Variants in TBCE observed in about 807,000 individuals in gnomAD.
The protein encoded by TBCE is tubulin folding cofactor E, also known as tubulin-specific chaperone E.
Under a neutral mutation model 77.0 loss-of-function variants are expected in TBCE, and 53 were observed. The ratio of observed to expected loss-of-function variants is 0.69; its 90% CI spans 0.55 to 0.87. The LOEUF (loss-of-function observed/expected upper bound fraction) is 0.87. Among genes scored for constraint, TBCE ranks in the 40% least tolerant of loss-of-function variants. The pLI is 0.00. For synonymous variants in TBCE, 235 were observed against 241.3 expected (o/e 0.97, Z 0.24); for missense variants, 624 against 622.4 (o/e 1.00, Z -0.03).
rs1430133147 is a variant in TBCE at position 235,451,760 on chromosome 1, C to T, written c.*2998C>T. On this transcript the variant is annotated 3_prime_UTR_variant, in exon 17 of 17. Coordinates refer to ENST00000642610, the MANE Select transcript of TBCE (RefSeq NM_003193.5). ...ACAGACACTGCATGTGCCTTCTGTC[C>T]CCTGCACCTTCGATGGCCAAAGTGG... The T allele has an allele frequency of 2.0e-5, 3 of 152,112 alleles. No homozygotes were observed. The highest frequency in any genetic ancestry group is 7.2e-5 in the African/African-American group (3 of 41,408). The allele number at this position is 152,112 out of a possible 1,614,324, so 9.4% of individuals were successfully genotyped here.
At chr1:235,392,303 C>T (rs964442656) in intron 2 of TBCE, among the ~76,000 whole-genome samples, 3 of 151,876 alleles carry the variant, frequency 2.0e-5, no homozygotes, top group Non-Finnish European at 4.4e-5. Flanking sequence ...TGCAGTGAAC[C>T]GTGATCGTGC....
chr1:235,401,530 A>G lies in TBCE; in HGVS notation c.128A>G (p.Asn43Ser), dbSNP rs753246233. 5.0e-5 allele frequency: 80 copies of G among 1,613,912 alleles called. 2 individuals carry two copies. In the South Asian group the frequency reaches 7.0e-4, roughly 14 times the overall value. The change falls in exon 3 of 17, where the codon AAT (asparagine) becomes AGT (serine). Residue 43 changes from asparagine (N) to serine (S), a missense_variant. Asn to Ser is a conservative substitution (Grantham distance 46). Transcript: ENST00000642610. The stretch of plus-strand genomic sequence containing the variant: ...CCCTGGTTAGGAGTAGAATGGGACA[A>G]TCCCGAGAGAGGAAAGCATGATGGG... ...AGPWLGVEWD[N>S]PERGKHDGSH... is the part of the protein sequence containing the mutation.
Position 235,448,336 on chromosome 1 carries a change from T to C in TBCE, c.1400-13T>C. 1 of 1,613,476 alleles carries C rather than the reference T, an allele frequency of 6.2e-7. No individual in the cohort carries two copies. Among genetic ancestry groups the C allele is most frequent in the Non-Finnish European group, 8.5e-7 (1 of 1,179,400 alleles). On this transcript the variant is annotated splice_polypyrimidine_tract_variant and intron_variant, in intron 15 of 16. Transcript: ENST00000642610. Reference sequence around the variant, plus strand: ...TTTGAGAGAACGAATGGACTTTTCTTGTCTTTTGATAGGCTCCATGACAAT... The same window carrying C: ...TTTGAGAGAACGAATGGACTTTTCTCGTCTTTTGATAGGCTCCATGACAAT...
At chr1:235,447,435 A>G (rs916678249) in intron 15 of TBCE, among the ~76,000 whole-genome samples, 27 of 152,350 alleles carry the variant, frequency 1.8e-4, no homozygotes, top group African/African-American at 6.5e-4. Context: ...AGAAGTTCAT[A>G]GTGTATTCTG....
chr1:235,400,408 C>CTTTT (rs71174425), intron 2 of TBCE, among the ~76,000 whole-genome samples: 5 of 106,050 alleles, frequency 4.7e-5, no homozygotes, highest in South Asian at 2.8e-4. Flanking sequence ...TATTTTTCCT[C>CTTTT]TTTTTTTTTT....
intron 2 of TBCE, among the ~76,000 whole-genome samples, chr1:235,398,102 C>G (rs995692597): frequency 1.3e-5 from 2 of 151,734 alleles, no homozygotes; most frequent in African/African-American, 4.8e-5. Flanking sequence ...TCAATTCAAC[C>G]CATTCTGATA....
chr1:235,443,809 T>C (rs1572451808), intron 15 of TBCE, among the ~76,000 whole-genome samples: 1 of 152,200 alleles, frequency 6.6e-6, no homozygotes, highest in Non-Finnish European at 1.5e-5. Flanking sequence ...CTTAAAAAAA[T>C]TGTGGTACTG....
At chr1:235,434,013 T>C (rs937312302) in intron 7 of TBCE, 191 bp from the exon 8 acceptor site, 2 of 626,888 alleles carry the variant, frequency 3.2e-6, no homozygotes, top group South Asian at 1.8e-5. Context: ...AGCATTAAAA[T>C]GCACCCCCTT....
chr1:235,379,848 C>T (rs1677514167), intron 1 of TBCE, among the ~76,000 whole-genome samples, 171 bp from the exon 2 acceptor site: 1 of 149,606 alleles, frequency 6.7e-6, no homozygotes, highest in South Asian at 2.1e-4. Flanking sequence ...ACTCTGGTGG[C>T]TGAGGCACAA....
chr1:235,414,459 G>T lies in TBCE; in HGVS notation c.212G>T (p.Arg71Leu). 1.2e-6 allele frequency: 2 copies of T among 1,613,298 alleles called. No homozygotes were observed. Among genetic ancestry groups the T allele is most frequent in the South Asian group, 2.2e-5 (2 of 90,998 alleles). Reference protein sequence around the residue: ...CRHPTGGSFIRPNKVNFGTDF... With the variant: ...CRHPTGGSFILPNKVNFGTDF... ...CACCCGACAGGAGGATCCTTTATTCGTCCGAACAAGGTAAATTTTGGAACA... is the reference window on the plus strand; with the variant it reads ...CACCCGACAGGAGGATCCTTTATTCTTCCGAACAAGGTAAATTTTGGAACA... The change falls in exon 4 of 17, where the codon CGT becomes CTT. Residue 71 changes from arginine to leucine, a missense_variant. Transcript: ENST00000642610.
Position 235,379,253 on chromosome 1 carries a change from C to T in TBCE, c.-31-766C>T, listed in dbSNP as rs142883867. 7.9e-4 allele frequency among the ~76,000 whole-genome samples: 120 copies of T among 152,196 alleles called. 1 individual carries two copies. Among genetic ancestry groups the T allele is most frequent in the African/African-American group, 2.7e-3 (112 of 41,544 alleles). ...CCTAAAAACATGTTTCTAGGCCGGG[C>T]GCAGTGGCTCATGCCTGTAATCCCA... On this transcript the variant is annotated intron_variant, in intron 1 of 16. Transcript: ENST00000642610.
At chr1:235,395,742 G>A (rs1364395537) in intron 2 of TBCE, among the ~76,000 whole-genome samples, 9 of 151,632 alleles carry the variant, frequency 5.9e-5, no homozygotes, top group Non-Finnish European at 1.3e-4. Context: ...ACGGGGATTT[G>A]CCATGTTGGC....
intron 8 of TBCE, among the ~76,000 whole-genome samples, chr1:235,435,499 C>G (rs1481162508): frequency 1.3e-5 from 2 of 152,102 alleles, no homozygotes; most frequent in Non-Finnish European, 2.9e-5. Context: ...GTACCCATGA[C>G]CCAGGTTCCC....
At position 235,448,708 on chromosome 1, in the gene TBCE, G is replaced by GTCA. The variant is rs769559799; in HGVS notation, c.1532_1534dup (p.Ser511dup). 1.2e-6 allele frequency: 2 copies of GTCA among 1,614,098 alleles called. No homozygotes were observed. Among genetic ancestry groups the GTCA allele is most frequent in the Non-Finnish European group, 1.7e-6 (2 of 1,180,006 alleles). On this transcript the variant is annotated inframe_insertion, in exon 17 of 17. Coordinates refer to ENST00000642610, the MANE Select transcript of TBCE (RefSeq NM_003193.5). ...AAATCGAGCTGGAAAATGACCTAAA[G>GTCA]TCATTACAGTTTTATTCTGTGGAAA...
chr1:235,446,466 T>A (rs935955138), intron 15 of TBCE, among the ~76,000 whole-genome samples: 3 of 151,910 alleles, frequency 2.0e-5, no homozygotes, highest in Admixed American at 6.6e-5. Context: ...CGTGAGCCAC[T>A]GCGCCTGGCT....
chr1:235,443,348 G>A (rs1315074742), intron 15 of TBCE, among the ~76,000 whole-genome samples: 1 of 151,880 alleles, frequency 6.6e-6, no homozygotes, highest in African/African-American at 2.4e-5. Flanking sequence ...CTACACGTGC[G>A]AGCCACCAAC....
chr1:235,427,288 T>C (rs1477690817), intron 6 of TBCE, 49 bp downstream of exon 6: 3 of 1,360,670 alleles, frequency 2.2e-6, no homozygotes, highest in Non-Finnish European at 3.1e-6. Flanking sequence ...AGCTCATCTC[T>C]CCTTGCTTCC....
At chr1:235,390,061 G>T (rs78437974) in intron 2 of TBCE, among the ~76,000 whole-genome samples, 2,930 of 152,028 alleles carry the variant, frequency 0.019, 104 homozygotes, top group African/African-American at 0.067. Flanking sequence ...GGGAGGAAGA[G>T]GTTGCAGTGA....
At chr1:235,413,899 G>T (rs1487222392) in intron 3 of TBCE, 4 of 140,106 alleles carry the variant, frequency 2.9e-5, no homozygotes, top group Non-Finnish European at 6.0e-5. Context: ...CTGTCACCCA[G>T]GCTGGAGTGC....
Sources: gnomAD v4.1 joint callset for allele counts (sites outside exome capture counted in the v4.1 genomes callset) on GRCh38, gnomAD v4.1.1 for gene constraint, MANE v1.5 for transcripts, NCBI Gene and HGNC (gene_info 2026-07-23, HGNC 2026-07-21) for gene names.